LNX1: variants seen among roughly 807,000 people sequenced by gnomAD.
LNX1 encodes ligand of numb-protein X 1.
A neutral mutation model predicts 68.4 loss-of-function variants in LNX1; 54 were observed. That is an observed-to-expected ratio of 0.79 (90% CI 0.63 to 0.99). LNX1 has a LOEUF of 0.99. Among genes scored for constraint, LNX1 ranks in the 50% least tolerant of loss-of-function variants. LNX1 has a pLI of 0.00. For missense variants in LNX1, 906 were observed against 926.4 expected (o/e 0.98, Z 0.29); for synonymous variants, 336 against 350.0 (o/e 0.96, Z 0.45).
rs1390371841 is a variant in LNX1 at position 53,518,793 on chromosome 4, G to GT, written c.381-10567_381-10566insA. ...CATGCACCCTGGTGGCTGATTATTT[G>GT]GGGGGCAACTGTAACATGGGACGTA... On this transcript the variant is annotated intron_variant, in intron 2 of 10. Transcript: ENST00000263925. 4.5e-4 allele frequency among the ~76,000 whole-genome samples: 35 copies of GT among 78,180 alleles called. 1 individual carries two copies. Among genetic ancestry groups the GT allele is most frequent in the Admixed American group, 1.9e-3 (13 of 6,878 alleles). 51.3% of individuals were successfully genotyped at this position (78,180 alleles called of 152,430 possible).
At chr4:53,513,289 C>G (rs374421615) in intron 2 of LNX1, among the ~76,000 whole-genome samples, 3 of 152,244 alleles carry the variant, frequency 2.0e-5, no homozygotes, top group African/African-American at 7.2e-5. Flanking sequence ...GATGTGGTCT[C>G]ATTTAAGCCT....
intron 1 of LNX1, among the ~76,000 whole-genome samples, chr4:53,644,501 A>G (rs1055554517): frequency 1.3e-5 from 2 of 152,214 alleles, no homozygotes; most frequent in Admixed American, 6.5e-5. Flanking sequence ...ATATTGAAGT[A>G]TTTATGTACC....
chr4:53,478,748 G>A lies in LNX1; in HGVS notation c.1486-6C>T. 1 of 1,609,014 alleles carries A rather than the reference G, an allele frequency of 6.2e-7. No homozygotes were observed. Among genetic ancestry groups the A allele is most frequent in the East Asian group, 2.2e-5 (1 of 44,788 alleles). ...GTAATTGTAGGATGGAGGGGCTGAA[G>A]GCACAGATGGAAAAACATGGCACAT... On this transcript the variant is annotated splice_polypyrimidine_tract_variant and splice_region_variant and intron_variant, in intron 7 of 10. Transcript: ENST00000263925.
At chr4:53,557,565 C>T (rs1465585613) in intron 2 of LNX1, among the ~76,000 whole-genome samples, 1 of 151,546 alleles carries the variant, frequency 6.6e-6, no homozygotes, top group Non-Finnish European at 1.5e-5. Flanking sequence ...CTCTTCAGTT[C>T]TATTTACGGA....
intron 1 of LNX1, among the ~76,000 whole-genome samples, chr4:53,630,451 G>A (rs1047409947): frequency 3.3e-5 from 5 of 152,138 alleles, no homozygotes; most frequent in African/African-American, 1.2e-4. Context: ...CATACTGGAT[G>A]TAAGTGTCCT....
chr4:53,480,270 G>A (rs1723826682), intron 7 of LNX1, among the ~76,000 whole-genome samples: 1 of 152,094 alleles, frequency 6.6e-6, no homozygotes, highest in Non-Finnish European at 1.5e-5. Context: ...TTCCGACTAA[G>A]TCAGTTTGCA....
intron 2 of LNX1, chr4:53,549,373 T>G (rs903103025): frequency 1.3e-5 from 2 of 151,952 alleles, no homozygotes; most frequent in Admixed American, 6.6e-5. Context: ...GCCCAGTATT[T>G]GGAATTTGCC....
intron 2 of LNX1, among the ~76,000 whole-genome samples, chr4:53,552,124 G>T (rs1243004777): frequency 2.6e-5 from 4 of 152,170 alleles, no homozygotes; most frequent in Admixed American, 1.3e-4. Flanking sequence ...TGGAAAGAGC[G>T]CATCATTTCC....
At chr4:53,650,343 A>AG (rs1735049329) in intron 1 of LNX1, among the ~76,000 whole-genome samples, 1 of 152,224 alleles carries the variant, frequency 6.6e-6, no homozygotes, top group Non-Finnish European at 1.5e-5. Flanking sequence ...ACAAAGTGTC[A>AG]GGGCCTAAGC....
At chr4:53,489,570 T>C (rs1724547183) in intron 6 of LNX1, among the ~76,000 whole-genome samples, 4 of 152,128 alleles carry the variant, frequency 2.6e-5, no homozygotes, top group African/African-American at 7.2e-5. Context: ...TATAAAAATA[T>C]ATATATTTGG....
chr4:53,523,873 G>C (rs1727423419), intron 2 of LNX1, among the ~76,000 whole-genome samples: 1 of 152,120 alleles, frequency 6.6e-6, no homozygotes, highest in Non-Finnish European at 1.5e-5. Context: ...TGCTTCCCCT[G>C]GCAGTGATAG....
At chr4:53,476,030 C>G (rs2109402668) in intron 9 of LNX1, among the ~76,000 whole-genome samples, 1 of 152,312 alleles carries the variant, frequency 6.6e-6, no homozygotes, top group Non-Finnish European at 1.5e-5. Context: ...GACATGGTGG[C>G]TCACACCTGT....
chr4:53,485,741 C>T (rs1724244227), intron 6 of LNX1, among the ~76,000 whole-genome samples: 1 of 152,170 alleles, frequency 6.6e-6, no homozygotes, highest in African/African-American at 2.4e-5. Context: ...AGAGAAACAT[C>T]CCCTAGCACC....
At chr4:53,576,416 C>G in intron 1 of LNX1, 1 of 1,476,966 alleles carries the variant, frequency 6.8e-7, no homozygotes, top group Non-Finnish European at 9.0e-7. Flanking sequence ...CTATTCAGGT[C>G]AGGCTTGGAC....
upstream of LNX1, among the ~76,000 whole-genome samples, chr4:53,617,912 A>T (rs1466570749): frequency 6.6e-6 from 1 of 152,228 alleles, no homozygotes; most frequent in Non-Finnish European, 1.5e-5. Context: ...TTTTTGACTT[A>T]TCAAGACCTC....
upstream of LNX1, among the ~76,000 whole-genome samples, chr4:53,620,051 C>A (rs4864478): frequency 2.6e-5 from 4 of 152,182 alleles, no homozygotes; most frequent in African/African-American, 7.2e-5. Context: ...CTGTTTGTAA[C>A]GAAACACATT....
chr4:53,612,795 G>C (rs1488122387), intron 2 of LNX1, among the ~76,000 whole-genome samples: 1 of 151,672 alleles, frequency 6.6e-6, no homozygotes, highest in Non-Finnish European at 1.5e-5. Flanking sequence ...TGAGCTGGGA[G>C]GATTGCCTGA....
At chr4:53,479,401 C>A (rs1198777830) in intron 7 of LNX1, among the ~76,000 whole-genome samples, 1 of 152,218 alleles carries the variant, frequency 6.6e-6, no homozygotes, top group African/African-American at 2.4e-5. Context: ...CTGCGGTGAG[C>A]AAGAGATGTT....
intron 2 of LNX1, among the ~76,000 whole-genome samples, chr4:53,532,024 A>G (rs1216733460): frequency 3.3e-5 from 5 of 152,248 alleles, no homozygotes; most frequent in Admixed American, 2.6e-4. Flanking sequence ...AGAAATATAC[A>G]AGACAAAAGC....
Sources: gnomAD v4.1 joint callset for allele counts (sites outside exome capture counted in the v4.1 genomes callset) on GRCh38, gnomAD v4.1.1 for gene constraint, MANE v1.5 for transcripts, NCBI Gene and HGNC (gene_info 2026-07-23, HGNC 2026-07-21) for gene names.